The following CIMIP2A variants were observed in gnomAD, a reference collection of about 807,000 sequenced individuals.
CIMIP2A encodes family with sequence similarity 166 member A.
the CIMIP2A span, chr9:137,252,659 C>A: frequency 1.3e-6 from 2 of 1,540,750 alleles, no homozygotes; most frequent in East Asian, 4.9e-5. Flanking sequence ...TACCCCCTCG[C>A]AGTGGCCCTC....
At chr9:137,251,803 C>A in the CIMIP2A span, 1 of 1,598,970 alleles carries the variant, frequency 6.3e-7, no homozygotes. Context: ...ACACAGCCCC[C>A]AAAGATGAAG....
At chr9:137,251,038 A>C in the CIMIP2A span, 2 of 507,578 alleles carry the variant, frequency 3.9e-6, no homozygotes, top group Non-Finnish European at 7.2e-6. Flanking sequence ...AGAGGGGAGA[A>C]GGCTGGAAAG....
the CIMIP2A span, chr9:137,245,902 G>C: frequency 7.1e-7 from 1 of 1,409,556 alleles, no homozygotes; most frequent in African/African-American, 1.4e-5. Flanking sequence ...GGCAGCCCCA[G>C]CACTGGGCAG....
chr9:137,244,054 G>A, the CIMIP2A span: 1 of 1,121,508 alleles, frequency 8.9e-7, no homozygotes, highest in Non-Finnish European at 1.3e-6. Context: ...ACCAAGGTGG[G>A]ACCCTGGTAA....
At chr9:137,253,751 C>A in the CIMIP2A span, among the ~76,000 whole-genome samples, 535 of 152,278 alleles carry the variant, frequency 3.5e-3, 2 homozygotes, top group African/African-American at 0.012. Flanking sequence ...AGCTGCTTGC[C>A]GAGCCAGGGA....
the CIMIP2A span, chr9:137,250,680 C>T: frequency 1.3e-5 from 2 of 157,750 alleles, no homozygotes; most frequent in African/African-American, 4.8e-5. Context: ...TCTGTGACAC[C>T]CTCTAGCCTC....
chr9:137,245,304 T>C, the CIMIP2A span: 9 of 1,581,074 alleles, frequency 5.7e-6, no homozygotes, highest in Admixed American at 1.7e-5. Flanking sequence ...ATCCCCTGGC[T>C]GCCTGGTGCT....
chr9:137,245,534 C>CA, the CIMIP2A span: 23 of 1,613,754 alleles, frequency 1.4e-5, no homozygotes, highest in East Asian at 3.6e-4. Context: ...CCCAGAATCT[C>CA]AAAGTTCTTA....
chr9:137,251,681 G>A, the CIMIP2A span: 2 of 1,533,382 alleles, frequency 1.3e-6, no homozygotes, highest in Non-Finnish European at 8.8e-7. Context: ...CAGGCTGTGG[G>A]GCATGTGGCT....
At chr9:137,253,306 G>A in the CIMIP2A span, 16 of 1,559,280 alleles carry the variant, frequency 1.0e-5, no homozygotes, top group African/African-American at 1.4e-5. Context: ...CTCCCCCGGG[G>A]CTTTCCCAGG....
the CIMIP2A span, chr9:137,245,443 C>G: frequency 6.2e-7 from 1 of 1,613,954 alleles, no homozygotes; most frequent in Non-Finnish European, 8.5e-7. Flanking sequence ...GGGCGTGAAG[C>G]CTGCAGGCAG....
At chr9:137,247,728 C>G in the CIMIP2A span, 47 of 1,612,618 alleles carry the variant, frequency 2.9e-5, no homozygotes, top group Non-Finnish European at 3.8e-5. Flanking sequence ...TGCTTTCACT[C>G]TGGCCTTGCT....
chr9:137,250,568 T>A, the CIMIP2A span: 3 of 152,920 alleles, frequency 2.0e-5, no homozygotes, highest in African/African-American at 7.2e-5. Flanking sequence ...TGGGACCAAC[T>A]GGTGGTCAGC....
chr9:137,247,866 C>A, the CIMIP2A span: 1 of 715,258 alleles, frequency 1.4e-6, no homozygotes, highest in Admixed American at 2.1e-5. Flanking sequence ...TGTGAGGGCC[C>A]ACATTGCACA....
chr9:137,243,656 C>T, the CIMIP2A span: 9 of 1,614,062 alleles, frequency 5.6e-6, no homozygotes, highest in South Asian at 2.2e-5. Flanking sequence ...TGCTGTTTTC[C>T]CTGTCCACAT....
chr9:137,244,180 AC>A, the CIMIP2A span: 2 of 1,613,666 alleles, frequency 1.2e-6, no homozygotes, highest in Non-Finnish European at 1.7e-6. Context: ...CCGGGGATGA[AC>A]CCCATGTAGA....
the CIMIP2A span, among the ~76,000 whole-genome samples, chr9:137,254,892 G>T: frequency 6.6e-6 from 1 of 152,348 alleles, no homozygotes; most frequent in East Asian, 1.9e-4. Flanking sequence ...TGGCGACAGC[G>T]CCGGGGTGGG....
At chr9:137,246,102 G>T in the CIMIP2A span, among the ~76,000 whole-genome samples, 1 of 152,220 alleles carries the variant, frequency 6.6e-6, no homozygotes, top group Non-Finnish European at 1.5e-5. Flanking sequence ...GCAGATGGCC[G>T]CCTGCCTTGT....
chr9:137,249,712 A>AAC, the CIMIP2A span, among the ~76,000 whole-genome samples: 1 of 152,210 alleles, frequency 6.6e-6, no homozygotes, highest in Admixed American at 6.5e-5. Flanking sequence ...TGGACAGGGG[A>AAC]ACACCTGGAG....
Sources: gnomAD v4.1 joint callset for allele counts (sites outside exome capture counted in the v4.1 genomes callset) on GRCh38, gnomAD v4.1.1 for gene constraint, MANE v1.5 for transcripts, NCBI Gene and HGNC (gene_info 2026-07-23, HGNC 2026-07-21) for gene names.